Variants in PTPRT observed in about 807,000 individuals in gnomAD.
PTPRT encodes the protein protein tyrosine phosphatase receptor type T.
Under a neutral mutation model 176.8 loss-of-function variants are expected in PTPRT, and 56 were observed. The observed-to-expected ratio is 0.32, with a 90% confidence interval of 0.26 to 0.40. PTPRT has a LOEUF of 0.40. Among genes scored for constraint, PTPRT ranks in the 10% least tolerant of loss-of-function variants. PTPRT has a pLI of 1.00. For missense variants in PTPRT, 1,540 were observed against 1,908.2 expected (o/e 0.81, Z 3.60); for synonymous variants, 783 against 739.0 (o/e 1.06, Z -0.96).
chr20:42,362,988 C>T (rs984229627), intron 9 of PTPRT, among the ~76,000 whole-genome samples: 3 of 150,264 alleles, frequency 2.0e-5, no homozygotes, highest in Non-Finnish European at 4.4e-5. Flanking sequence ...CGCGGGTAAT[C>T]CTAGCTACTT....
chr20:43,097,774 C>T (rs137905616), intron 1 of PTPRT, among the ~76,000 whole-genome samples: 124 of 152,308 alleles, frequency 8.1e-4, no homozygotes, highest in African/African-American at 2.9e-3. Flanking sequence ...GCAAAGGACA[C>T]CTCCAGACAG....
intron 7 of PTPRT, among the ~76,000 whole-genome samples, chr20:42,502,764 G>A (rs2071774576): frequency 6.6e-6 from 1 of 152,050 alleles, no homozygotes; most frequent in Non-Finnish European, 1.5e-5. Flanking sequence ...GAACATTCAT[G>A]TATTTATCTC....
At chr20:42,599,878 C>A (rs947011267) in intron 7 of PTPRT, among the ~76,000 whole-genome samples, 6 of 152,112 alleles carry the variant, frequency 3.9e-5, no homozygotes, top group Admixed American at 3.9e-4. Context: ...GCCTGGCACT[C>A]AAATTATCTG....
At chr20:42,592,197 G>T (rs913728136) in intron 7 of PTPRT, among the ~76,000 whole-genome samples, 3 of 149,964 alleles carry the variant, frequency 2.0e-5, no homozygotes, top group Admixed American at 6.6e-5. Flanking sequence ...GGATGTTCTC[G>T]ATCTCCTGAC....
chr20:42,892,644 C>T (rs76392789), intron 1 of PTPRT, among the ~76,000 whole-genome samples: 1,636 of 152,254 alleles, frequency 0.011, 11 homozygotes, highest in Non-Finnish European at 0.015. Context: ...TACGCAGAAA[C>T]ACCTGCTCCC....
rs141265378 is a variant in PTPRT at position 43,161,885 on chromosome 20, G to A, written c.88+27761C>T. 8.5e-5 allele frequency among the ~76,000 whole-genome samples: 13 copies of A among 152,292 alleles called. No homozygotes were observed. The East Asian group carries it at 1.2e-3, about 14-fold the overall frequency. ...GAGGGCCCAGGAGGGTCCTCAGATC[G>A]TGGCTACATCACAATGACCTACTTG... is the stretch of plus-strand genomic sequence containing the variant. On this transcript the variant is annotated intron_variant, in intron 1 of 30. Transcript: ENST00000373187.
chr20:42,091,111 A>G (rs1263236838), intron 27 of PTPRT, among the ~76,000 whole-genome samples: 3 of 152,162 alleles, frequency 2.0e-5, no homozygotes, highest in African/African-American at 7.2e-5. Flanking sequence ...TGCTTCTTCC[A>G]AAAAAACAGA....
intron 12 of PTPRT, among the ~76,000 whole-genome samples, chr20:42,304,695 C>T (rs1040011305): frequency 6.6e-6 from 1 of 152,136 alleles, no homozygotes; most frequent in Non-Finnish European, 1.5e-5. Context: ...GAAATAGAAT[C>T]CGTGAGTGCA....
At chr20:42,657,080 A>C (rs966570950) in intron 7 of PTPRT, among the ~76,000 whole-genome samples, 3 of 151,988 alleles carry the variant, frequency 2.0e-5, no homozygotes, top group African/African-American at 4.8e-5. Flanking sequence ...TGTGATGGTG[A>C]GTGATTTCTC....
At chr20:42,394,158 G>A (rs572296319) in intron 9 of PTPRT, among the ~76,000 whole-genome samples, 4 of 151,204 alleles carry the variant, frequency 2.6e-5, no homozygotes, top group Middle Eastern at 6.8e-3. Context: ...CTCTCTCCCC[G>A]GCCCTCTTCT....
intron 1 of PTPRT, among the ~76,000 whole-genome samples, chr20:43,173,971 C>A (rs1446445902): frequency 6.6e-6 from 1 of 152,158 alleles, no homozygotes; most frequent in Non-Finnish European, 1.5e-5. Context: ...TCCATAAAAC[C>A]AATTATCTTA....
At chr20:42,227,600 G>GTTTTTTTTTTTTTTTTTTTTTTTTTTTTT (rs10854224) in intron 15 of PTPRT, among the ~76,000 whole-genome samples, 2 of 61,868 alleles carry the variant, frequency 3.2e-5, no homozygotes, top group Non-Finnish European at 2.8e-5. Context: ...GTCCCTCATT[G>GTTTTTTTTTTTTTTTTTTTTTTTTTTTTT]TTTTTTTTTT....
chr20:42,042,936 C>T, the PTPRT span, among the ~76,000 whole-genome samples: 1 of 152,228 alleles, frequency 6.6e-6, no homozygotes. Context: ...CTTGTAAGAC[C>T]AGCCCATCCA....
chr20:42,242,927 G>A (rs2056381639), intron 14 of PTPRT, among the ~76,000 whole-genome samples: 1 of 151,880 alleles, frequency 6.6e-6, no homozygotes, highest in African/African-American at 2.4e-5. Context: ...TGGAGGATAG[G>A]TTAGAGGGGT....
intron 6 of PTPRT, among the ~76,000 whole-genome samples, chr20:42,696,406 T>C (rs55796409): frequency 0.36 from 54,763 of 150,402 alleles, 10,930 homozygotes; most frequent in African/African-American, 0.53. Flanking sequence ...GAAACACATA[T>C]TTAAGCCAAC....
At chr20:42,487,227 G>C (rs2071478725) in intron 7 of PTPRT, among the ~76,000 whole-genome samples, 1 of 152,176 alleles carries the variant, frequency 6.6e-6, no homozygotes, top group South Asian at 2.1e-4. Context: ...GTCTAATAGA[G>C]AGATCTGGAG....
chr20:43,123,997 C>T (rs1391524642), intron 1 of PTPRT, among the ~76,000 whole-genome samples: 10 of 152,200 alleles, frequency 6.6e-5, no homozygotes, highest in South Asian at 4.1e-4. Flanking sequence ...CTTTTATTTC[C>T]GACAAACAAA....
intron 9 of PTPRT, among the ~76,000 whole-genome samples, chr20:42,408,925 G>A (rs1393743645): frequency 6.6e-6 from 1 of 152,172 alleles, no homozygotes; most frequent in Non-Finnish European, 1.5e-5. Flanking sequence ...TGGGTGAAGG[G>A]GAAGATAGCT....
At chr20:43,162,638 C>T (rs1392527316) in intron 1 of PTPRT, among the ~76,000 whole-genome samples, 3 of 150,444 alleles carry the variant, frequency 2.0e-5, no homozygotes, top group African/African-American at 4.8e-5. Context: ...TGGTCCATCA[C>T]TCTGGAGGCA....
Sources: allele counts gnomAD v4.1 joint callset (sites outside exome capture counted in the v4.1 genomes callset), GRCh38; gene constraint gnomAD v4.1.1; transcripts MANE v1.5; gene names NCBI Gene and HGNC (gene_info 2026-07-23, HGNC 2026-07-21).